ADAM22: variants seen among roughly 807,000 people sequenced by gnomAD.
The protein encoded by ADAM22 is disintegrin and metalloproteinase domain-containing protein 22.
Under a neutral mutation model 144.6 loss-of-function variants are expected in ADAM22, and 65 were observed. That is an observed-to-expected ratio of 0.45 (90% CI 0.37 to 0.55). The LOEUF is 0.55. Among genes scored for constraint, ADAM22 ranks in the 20% least tolerant of loss-of-function variants. The probability of loss-of-function intolerance (pLI) is 0.00; values close to 1 mark genes in which losing one functional copy is unlikely to be tolerated. For missense variants in ADAM22, 974 were observed against 1,184.9 expected (o/e 0.82, Z 2.61); for synonymous variants, 391 against 412.6 (o/e 0.95, Z 0.63).
intron 4 of ADAM22, among the ~76,000 whole-genome samples, chr7:88,083,703 A>C (rs1380186305): frequency 6.6e-6 from 1 of 151,826 alleles, no homozygotes; most frequent in South Asian, 2.1e-4. Flanking sequence ...CTGTATACCT[A>C]TACATTTCTA....
intron 3 of ADAM22, among the ~76,000 whole-genome samples, chr7:88,033,249 A>T (rs1487000733): frequency 2.0e-5 from 3 of 152,240 alleles, no homozygotes; most frequent in South Asian, 4.1e-4. Flanking sequence ...CTGTATCTGC[A>T]TTAGGGGACA....
At chr7:88,082,561 T>A (rs1451889916) in intron 4 of ADAM22, among the ~76,000 whole-genome samples, 1 of 151,916 alleles carries the variant, frequency 6.6e-6, no homozygotes, top group Non-Finnish European at 1.5e-5. Context: ...ACCTACAAAA[T>A]GGGAGAAAAT....
intron 28 of ADAM22, among the ~76,000 whole-genome samples, 157 bp downstream of exon 28, chr7:88,181,762 G>A (rs944418849): frequency 4.6e-5 from 7 of 152,116 alleles, no homozygotes; most frequent in African/African-American, 1.4e-4. Context: ...TATCTGGATG[G>A]GAAATGATGG....
intron 3 of ADAM22, among the ~76,000 whole-genome samples, chr7:88,019,843 C>G (rs1797347334): frequency 6.7e-6 from 1 of 148,822 alleles, no homozygotes; most frequent in African/African-American, 2.5e-5. Flanking sequence ...GAGCGTGACT[C>G]TATCTCAAAA....
chr7:87,934,615 G>T, intron 1 of ADAM22, 65 bp downstream of exon 1: 16 of 1,482,618 alleles, frequency 1.1e-5, no homozygotes, highest in Non-Finnish European at 1.5e-5. Context: ...GAGCCCTCAG[G>T]CGTATTGAAA....
rs1840639025 is a variant in ADAM22, at chr7:87,934,310, C to T, written c.-156C>T. On this transcript the variant is annotated 5_prime_UTR_variant, in exon 1 of 32. Coordinates refer to ENST00000413139, the MANE Select transcript of ADAM22 (RefSeq NM_001324418.2). ...CGAAGCACAATGCAGCACTGAGCCG[C>T]GGTGGAGGTTGCAGCGCCACGGCCG... 4.9e-6 allele frequency: 3 copies of T among 615,810 alleles called. No individual in the cohort carries two copies. The highest frequency in any genetic ancestry group is 8.1e-6 in the Non-Finnish European group (3 of 371,220). The allele number at this position is 615,810 out of a possible 1,614,324, so 38.1% of individuals were successfully genotyped here. A position where few individuals can be genotyped will look rare whatever the true frequency, so the allele number is the denominator to read the frequency against.
intron 3 of ADAM22, among the ~76,000 whole-genome samples, chr7:88,054,632 G>GTGTGTGTGTGTGT (rs1585299810): frequency 6.3e-5 from 9 of 141,834 alleles, no homozygotes; most frequent in Admixed American, 1.4e-4. Context: ...GTGTGTGTGT[G>GTGTGTGTGTGTGT]ATTCCTCTGC....
intron 31 of ADAM22, among the ~76,000 whole-genome samples, chr7:88,194,401 T>C (rs981732684): frequency 2.0e-5 from 3 of 152,154 alleles, no homozygotes; most frequent in African/African-American, 7.2e-5. Context: ...AAAGTCTGAT[T>C]TGTTCTATGC....
At chr7:88,195,131 C>T (rs952974713) in intron 31 of ADAM22, among the ~76,000 whole-genome samples, 1 of 152,102 alleles carries the variant, frequency 6.6e-6, no homozygotes, top group African/African-American at 2.4e-5. Flanking sequence ...ACCAAATGTC[C>T]AGTAAAAATG....
rs756340376 is a variant in ADAM22 at position 88,163,105 on chromosome 7, G to T, written c.2001G>T (p.Arg667Ser). The T allele has an allele frequency of 6.2e-7, 1 of 1,612,354 alleles. No individual in the cohort carries two copies. The highest frequency in any genetic ancestry group is 8.5e-7 in the Non-Finnish European group (1 of 1,179,080). ...CGPQMMCLEHRCLPVASFNFS... is the reference protein window; with the variant it reads ...CGPQMMCLEHSCLPVASFNFS... ...CCCAAATGATGTGCTTAGAACACAG[G>T]TGTCTTCCTGTGGCTTCTTTCAACT... The change falls in exon 23 of 32, where the codon AGG (arginine) becomes AGT (serine). Residue 667 changes from arginine (R) to serine (S), a missense_variant. By Grantham distance (110) the Arg-to-Ser change is moderately radical. Around this residue, in one of 2 missense-constraint regions of ADAM22, gnomAD observed 734 missense variants for 950.6 expected, o/e 0.77. Coordinates refer to ENST00000413139, the MANE Select transcript of ADAM22 (RefSeq NM_001324418.2).
At chr7:88,105,913 A>G (rs1436218496) in intron 4 of ADAM22, among the ~76,000 whole-genome samples, 3 of 152,186 alleles carry the variant, frequency 2.0e-5, no homozygotes, top group African/African-American at 7.2e-5. Flanking sequence ...CCTATGAGCC[A>G]AGCATTACTC....
At chr7:88,059,188 A>G (rs191192783) in intron 3 of ADAM22, among the ~76,000 whole-genome samples, 3 of 152,250 alleles carry the variant, frequency 2.0e-5, no homozygotes, top group Non-Finnish European at 4.4e-5. Context: ...GGATGTTGAC[A>G]TTTAGGATCC....
At chr7:88,050,821 C>T (rs1312392886) in intron 3 of ADAM22, among the ~76,000 whole-genome samples, 1 of 152,206 alleles carries the variant, frequency 6.6e-6, no homozygotes, top group African/African-American at 2.4e-5. Flanking sequence ...CCTGTTCACT[C>T]TGATGGTAAT....
At chr7:88,036,926 A>G (rs1801652069) in intron 3 of ADAM22, among the ~76,000 whole-genome samples, 1 of 151,950 alleles carries the variant, frequency 6.6e-6, no homozygotes, top group African/African-American at 2.4e-5. Flanking sequence ...ATGTCATGTC[A>G]TTGTGATCAT....
At chr7:87,936,164 A>T (rs973509553) in intron 2 of ADAM22, among the ~76,000 whole-genome samples, 1 of 152,254 alleles carries the variant, frequency 6.6e-6, no homozygotes, top group African/African-American at 2.4e-5. Flanking sequence ...AATATGTAAA[A>T]ATAGAAAATA....
rs187142113 is a variant in ADAM22, at chr7:88,189,712, A to G, written c.2750+3011A>G. 8.5e-3 allele frequency among the ~76,000 whole-genome samples: 1,295 copies of G among 152,110 alleles called. 13 individuals carry two copies. The highest frequency in any genetic ancestry group is 0.027 in the African/African-American group (1,133 of 41,506). ...TGTAATCCCAGCACTTTGGGAGGCCAAGGTGGGCAGATCATGAGGTCAGGA... is the reference window on the plus strand; with the variant it reads ...TGTAATCCCAGCACTTTGGGAGGCCGAGGTGGGCAGATCATGAGGTCAGGA... On this transcript the variant is annotated intron_variant, in intron 30 of 31. Coordinates refer to ENST00000413139, the MANE Select transcript of ADAM22 (RefSeq NM_001324418.2).
chr7:88,201,710 C>G lies in ADAM22; in HGVS notation c.*5219C>G, dbSNP rs1010587395. 6.6e-6 allele frequency: 1 copy of G among 152,162 alleles called. No individual in the cohort carries two copies. Among genetic ancestry groups the G allele is most frequent in the African/African-American group, 2.4e-5 (1 of 41,422 alleles). The allele number at this position is 152,162 out of a possible 1,614,324, so 9.4% of individuals were successfully genotyped here. A position where few individuals can be genotyped will look rare whatever the true frequency, so the allele number is the denominator to read the frequency against. On this transcript the variant is annotated 3_prime_UTR_variant, in exon 32 of 32. Coordinates refer to ENST00000413139, the MANE Select transcript of ADAM22 (RefSeq NM_001324418.2). ...AAGTAATCATCATTCCATGTTCCTA[C>G]GTATCCTTGAAATCAAAACCAGGCA... is the stretch of plus-strand genomic sequence containing the variant.
chr7:88,148,645 T>C (rs1019405773), intron 17 of ADAM22, among the ~76,000 whole-genome samples: 3 of 152,028 alleles, frequency 2.0e-5, no homozygotes, highest in African/African-American at 7.2e-5. Context: ...GATAAAAGTG[T>C]CGGTGAGAAT....
At chr7:87,991,702 C>CA (rs1373835038) in intron 3 of ADAM22, among the ~76,000 whole-genome samples, 1 of 152,194 alleles carries the variant, frequency 6.6e-6, no homozygotes, top group Admixed American at 6.5e-5. Context: ...AACCAACACA[C>CA]AAATCAGTGA....
Sources: allele counts gnomAD v4.1 joint callset (sites outside exome capture counted in the v4.1 genomes callset), GRCh38; gene constraint gnomAD v4.1.1; regional missense constraint gnomAD v4.1.1; transcripts MANE v1.5; gene names NCBI Gene and HGNC (gene_info 2026-07-23, HGNC 2026-07-21).